The following PTPRQ variants were observed in gnomAD, a reference collection of about 807,000 sequenced individuals.
The protein encoded by PTPRQ is protein tyrosine phosphatase receptor type Q, also known as phosphatidylinositol phosphatase PTPRQ.
A neutral mutation model predicts 246.0 loss-of-function variants in PTPRQ; 199 were observed. That is an observed-to-expected ratio of 0.81 (90% CI 0.72 to 0.91). The LOEUF (loss-of-function observed/expected upper bound fraction) is 0.91, where lower values mean the gene tolerates loss of function less well. PTPRQ is among the 40% of genes least tolerant of loss of function. The pLI is 0.00. For missense variants in PTPRQ, 2,624 were observed against 2,528.4 expected, an observed-to-expected ratio of 1.04 and a Z score of -0.81; for synonymous variants, 869 against 853.2, an observed-to-expected ratio of 1.02 and a Z score of -0.32.
chr12:80,492,059 A>G (rs529965311), intron 9 of PTPRQ, among the ~76,000 whole-genome samples: 11 of 151,924 alleles, frequency 7.2e-5, no homozygotes, highest in Non-Finnish European at 1.6e-4. Context: ...ATTTTTCAGC[A>G]TATTCTTTTT....
At chr12:80,624,725 G>A (rs913912536) in intron 33 of PTPRQ, among the ~76,000 whole-genome samples, 2 of 152,066 alleles carry the variant, frequency 1.3e-5, no homozygotes, top group African/African-American at 4.8e-5. Context: ...CACTTTCATA[G>A]GTCAAGAAAC....
chr12:80,621,976 TA>T (rs1339353127), intron 32 of PTPRQ, 84 bp from the exon 33 acceptor site: 15 of 940,200 alleles, frequency 1.6e-5, no homozygotes, highest in Non-Finnish European at 2.2e-5. Flanking sequence ...ATTAAATAAA[TA>T]GTTTTTATAA....
intron 7 of PTPRQ, 83 bp downstream of exon 7, chr12:80,468,921 A>G: frequency 6.8e-7 from 1 of 1,479,184 alleles, no homozygotes; most frequent in Non-Finnish European, 9.0e-7. Context: ...GTTTAAAAGT[A>G]TCAGACTCTT....
intron 24 of PTPRQ, among the ~76,000 whole-genome samples, chr12:80,547,722 C>T (rs1896349364): frequency 6.6e-6 from 1 of 152,152 alleles, no homozygotes; most frequent in Admixed American, 6.6e-5. Flanking sequence ...AAAAGAAGCA[C>T]ATATTAGCAG....
chr12:80,447,023 A>C (rs1461242986), intron 3 of PTPRQ, among the ~76,000 whole-genome samples: 2 of 152,000 alleles, frequency 1.3e-5, no homozygotes, highest in African/African-American at 4.8e-5. Context: ...CATTTCTAGC[A>C]ACAGTGTATT....
chr12:80,495,505 G>A, intron 12 of PTPRQ, 134 bp downstream of exon 12: 1 of 1,194,780 alleles, frequency 8.4e-7, no homozygotes, highest in Admixed American at 3.7e-5. Flanking sequence ...GTTGTTTTGT[G>A]TCACCATGAA....
At chr12:80,643,663 C>T (rs1015406866) in intron 35 of PTPRQ, among the ~76,000 whole-genome samples, 3 of 151,850 alleles carry the variant, frequency 2.0e-5, no homozygotes, top group Non-Finnish European at 2.9e-5. Context: ...ATAAAGAAAA[C>T]TAATAGGAAA....
At chr12:80,510,471 C>A (rs1208952902) in intron 17 of PTPRQ, 28 bp downstream of exon 17, 2 of 1,514,664 alleles carry the variant, frequency 1.3e-6, no homozygotes, top group South Asian at 2.6e-5. Context: ...GGAAATAGTT[C>A]TGAGAACAGA....
chr12:80,475,466 T>C lies in PTPRQ; in HGVS notation c.1186+3215T>C, dbSNP rs12300046. Reference sequence around the variant, plus strand: ...GACTCTTAGGTATTTCCTGTGGACATCACCTTCAAAACTGATGCTGAACCA... The same window carrying C: ...GACTCTTAGGTATTTCCTGTGGACACCACCTTCAAAACTGATGCTGAACCA... On this transcript the variant is annotated intron_variant, in intron 8 of 44. Transcript: ENST00000644991. 8.2e-3 allele frequency among the ~76,000 whole-genome samples: 1,243 copies of C among 152,194 alleles called. 16 individuals are homozygous for C. The highest frequency in any genetic ancestry group is 0.028 in the African/African-American group (1,184 of 41,550).
intron 2 of PTPRQ, 72 bp from the exon 3 acceptor site, chr12:80,445,419 C>T: frequency 1.1e-6 from 1 of 923,198 alleles, no homozygotes; most frequent in Non-Finnish European, 1.6e-6. Flanking sequence ...TTTATAAATA[C>T]TGTTATTATG....
At chr12:80,613,893 G>A (rs556928603) in intron 29 of PTPRQ, 57 bp downstream of exon 29, 2 of 1,422,508 alleles carry the variant, frequency 1.4e-6, no homozygotes, top group East Asian at 5.4e-5. Flanking sequence ...TTATGAACTT[G>A]GCATTTAAAA....
At chr12:80,444,964 G>A in intron 2 of PTPRQ, 115 bp downstream of exon 2, 3 of 1,215,750 alleles carry the variant, frequency 2.5e-6, no homozygotes, top group South Asian at 1.5e-5. Context: ...AAACAGTGTA[G>A]AATAAGGCAA....
At position 80,610,654 on chromosome 12, in the gene PTPRQ, A is replaced by G. The variant is rs925341341; in HGVS notation, c.4918+29A>G. On this transcript the variant is annotated intron_variant, in intron 28 of 44. Transcript: ENST00000644991. ...AGGAGAATTTCTCAACCTTGCTAAA[A>G]ATTGACTGAGATTTAGCTGGCTTTC... 1.0e-5 allele frequency: 16 copies of G among 1,537,924 alleles called. No individual in the cohort carries two copies. In the Admixed American group the frequency reaches 3.0e-4, roughly 29 times the overall value.
Position 80,468,904 on chromosome 12 carries a change from A to C in PTPRQ, c.1039+66A>C. 3 of 1,509,934 alleles carry C rather than the reference A, an allele frequency of 2.0e-6. No homozygotes were observed. The Admixed American group carries it at 7.3e-5, about 37-fold the overall frequency. 93.5% of individuals were successfully genotyped at this position (1,509,934 alleles called of 1,614,324 possible). On this transcript the variant is annotated intron_variant, in intron 7 of 44. Transcript: ENST00000644991. Reference sequence around the variant, plus strand: ...AATAATAAAATATGTTACCAATATCAAACTCTGTTTAAAAGTATCAGACTC... The same window carrying C: ...AATAATAAAATATGTTACCAATATCCAACTCTGTTTAAAAGTATCAGACTC...
intron 26 of PTPRQ, among the ~76,000 whole-genome samples, chr12:80,600,283 C>A (rs974784138): frequency 1.3e-5 from 2 of 151,674 alleles, no homozygotes; most frequent in African/African-American, 4.8e-5. Context: ...GGGTCACACA[C>A]TCCCTGATGA....
chr12:80,642,713 G>T (rs1053161885), intron 35 of PTPRQ, among the ~76,000 whole-genome samples: 18 of 151,506 alleles, frequency 1.2e-4, no homozygotes, highest in African/African-American at 4.4e-4. Flanking sequence ...GAGGTCAGGA[G>T]ATCGAGACCA....
chr12:80,663,880 C>T (rs1036391593), intron 39 of PTPRQ, among the ~76,000 whole-genome samples: 4 of 151,832 alleles, frequency 2.6e-5, no homozygotes, highest in Admixed American at 2.6e-4. Flanking sequence ...ATTCTTCAAC[C>T]CTGCTCTGCC....
intron 17 of PTPRQ, among the ~76,000 whole-genome samples, chr12:80,514,138 C>T (rs1895206577): frequency 6.6e-6 from 1 of 152,020 alleles, no homozygotes; most frequent in African/African-American, 2.4e-5. Flanking sequence ...TGGCTTTGCC[C>T]TTTTATTTCT....
intron 23 of PTPRQ, 119 bp downstream of exon 23, chr12:80,543,000 CTTT>C (rs1175994945): frequency 9.8e-6 from 7 of 712,254 alleles, no homozygotes; most frequent in South Asian, 3.2e-5. Flanking sequence ...TTTTAAACTT[CTTT>C]ATTTCCTACA....
Sources: allele counts gnomAD v4.1 joint callset (sites outside exome capture counted in the v4.1 genomes callset), GRCh38; gene constraint gnomAD v4.1.1; transcripts MANE v1.5; gene names NCBI Gene and HGNC (gene_info 2026-07-23, HGNC 2026-07-21).